ZNF718: variants seen among roughly 807,000 people sequenced by gnomAD.
The protein encoded by ZNF718 is zinc finger protein 718.
ZNF718 carries 3 observed loss-of-function variants against 2.6 expected under a neutral mutation model. The ratio of observed to expected loss-of-function variants is 1.16; its 90% CI spans 0.53 to 3.01. ZNF718 has a LOEUF of 3.01. Ranked by LOEUF, ZNF718 falls within the 30% of genes most tolerant of loss-of-function variation. ZNF718 has a pLI of 0.03. For missense variants in ZNF718, 468 were observed against 230.0 expected, an observed-to-expected ratio of 2.03 and a Z score of -6.69; for synonymous variants, 135 against 77.9, an observed-to-expected ratio of 1.73 and a Z score of -3.86.
At chr4:158,028 C>A (rs1341425063) in intron 3 of ZNF718, among the ~76,000 whole-genome samples, 2 of 152,168 alleles carry the variant, frequency 1.3e-5, no homozygotes, top group African/African-American at 4.8e-5. Flanking sequence ...GATACACACA[C>A]ACACATTAAT....
intron 3 of ZNF718, among the ~76,000 whole-genome samples, chr4:171,790 C>T (rs1206895094): frequency 6.6e-6 from 1 of 152,230 alleles, no homozygotes; most frequent in African/African-American, 2.4e-5. Flanking sequence ...CGTTGTGCTT[C>T]CCGGGTGAGG....
chr4:178,875 A>G (rs1717400632), intron 3 of ZNF718, among the ~76,000 whole-genome samples: 2 of 152,184 alleles, frequency 1.3e-5, no homozygotes, highest in African/African-American at 4.8e-5. Context: ...TTCCCTTGAT[A>G]TGCAGAAGGT....
At chr4:144,393 A>T (rs1301716014) in intron 3 of ZNF718, among the ~76,000 whole-genome samples, 1 of 152,218 alleles carries the variant, frequency 6.6e-6, no homozygotes, top group East Asian at 1.9e-4. Flanking sequence ...GATCAGTTTT[A>T]TGCCATTTTA....
At chr4:135,239 TAAA>T (rs1227093983) in intron 3 of ZNF718, among the ~76,000 whole-genome samples, 3 of 135,626 alleles carry the variant, frequency 2.2e-5, no homozygotes, top group East Asian at 2.2e-4. Context: ...ACTCTTGTCT[TAAA>T]AAAAAAAAAA....
At chr4:176,501 G>GCTGGT (rs1553819107) in intron 3 of ZNF718, among the ~76,000 whole-genome samples, 1 of 152,076 alleles carries the variant, frequency 6.6e-6, no homozygotes, top group Admixed American at 6.6e-5. Context: ...CCAGCATAAT[G>GCTGGT]CAACACATCC....
At chr4:170,850 CAA>C (rs1553817833) in intron 3 of ZNF718, among the ~76,000 whole-genome samples, 11 of 152,204 alleles carry the variant, frequency 7.2e-5, no homozygotes. Flanking sequence ...CTCAACTCAT[CAA>C]AGTCATTCTC....
At chr4:172,678 T>C (rs1328618142) in intron 3 of ZNF718, among the ~76,000 whole-genome samples, 1 of 152,176 alleles carries the variant, frequency 6.6e-6, no homozygotes, top group Admixed American at 6.5e-5. Context: ...AAATAAATGA[T>C]TAACAACCAT....
chr4:200,618 T>A lies in ZNF718; in HGVS notation c.227-463T>A, dbSNP rs76211678. ...TTTTTTTAGAGTCAGACTAGTACAA[T>A]ACCAGAAAAAATTACCAAACTCAGT... On this transcript the variant is annotated intron_variant and NMD_transcript_variant, in intron 3 of 4. Coordinates refer to the ZNF718 transcript ENST00000642529. Among the ~76,000 whole-genome samples, 112 of 152,252 alleles carry A rather than the reference T, an allele frequency of 7.4e-4. 1 individual carries two copies. In the East Asian group the frequency reaches 0.02, roughly 28 times the overall value.
Position 127,171 on chromosome 4 carries a change from T to C in ZNF718, c.3+2498T>C, listed in dbSNP as rs1357524091. Among the ~76,000 whole-genome samples the C allele has an allele frequency of 6.8e-5, 3 of 44,436 alleles. 1 individual carries two copies. The highest frequency in any genetic ancestry group is 2.2e-4 in the African/African-American group (3 of 13,658). The allele number at this position is 44,436 out of a possible 152,430, so 29.2% of individuals were successfully genotyped here. A position where few individuals can be genotyped will look rare whatever the true frequency, so the allele number is the denominator to read the frequency against. ...TTTTCCATGCACTGTTTAGAAGTAC[T>C]GGACGTTATATACAAAGTGCCCACC... On this transcript the variant is annotated intron_variant, in intron 1 of 3. Coordinates refer to ENST00000510175, the MANE Select transcript of ZNF718 (RefSeq NM_001039127.6).
chr4:159,653 A>G (rs192455246), intron 3 of ZNF718, among the ~76,000 whole-genome samples: 58 of 151,934 alleles, frequency 3.8e-4, no homozygotes, highest in African/African-American at 1.2e-3. Flanking sequence ...TGTTTTTTAT[A>G]TTTTTAATGT....
chr4:156,512 A>G (rs185512205), intron 3 of ZNF718, among the ~76,000 whole-genome samples: 2 of 152,286 alleles, frequency 1.3e-5, no homozygotes, highest in African/African-American at 4.8e-5. Context: ...CAGACTTTAC[A>G]ATCTTAAATA....
intron 1 of ZNF718, among the ~76,000 whole-genome samples, chr4:130,221 A>G (rs1348723980): frequency 1.9e-5 from 2 of 104,084 alleles, no homozygotes; most frequent in Non-Finnish European, 4.3e-5. Flanking sequence ...TTGCAATAAC[A>G]GGAGACTTGC....
At chr4:164,204 CA>C (rs1226295677), downstream of ZNF718, among the ~76,000 whole-genome samples, 7 of 151,966 alleles carry the variant, frequency 4.6e-5, no homozygotes, top group Non-Finnish European at 8.8e-5. Flanking sequence ...CAAACATGTA[CA>C]GACTTCTAGT....
intron 3 of ZNF718, among the ~76,000 whole-genome samples, chr4:193,501 G>A (rs1384161120): frequency 6.6e-6 from 1 of 152,116 alleles, no homozygotes; most frequent in Non-Finnish European, 1.5e-5. Context: ...CTTTTGCTAG[G>A]ATGTCTCTCC....
chr4:165,421 C>T (rs59160312), downstream of ZNF718, among the ~76,000 whole-genome samples: 1,937 of 152,252 alleles, frequency 0.013, 47 homozygotes, highest in African/African-American at 0.044. Context: ...GGTAAAGCAT[C>T]AATATGAGTG....
At chr4:187,188 G>GT (rs201356074) in intron 3 of ZNF718, among the ~76,000 whole-genome samples, 1,754 of 151,860 alleles carry the variant, frequency 0.012, 14 homozygotes, top group Non-Finnish European at 0.017. Flanking sequence ...TCCAGGCTTG[G>GT]TTTTTTTGTT....
At chr4:125,716 C>G (rs1422790984) in intron 1 of ZNF718, among the ~76,000 whole-genome samples, 1 of 152,242 alleles carries the variant, frequency 6.6e-6, no homozygotes, top group Non-Finnish European at 1.5e-5. Context: ...TAAGAAACAT[C>G]CCTTCCCCGC....
At chr4:125,243 T>A (rs186656352) in intron 1 of ZNF718, 1 of 153,152 alleles carries the variant, frequency 6.5e-6, no homozygotes, top group Non-Finnish European at 1.5e-5. Context: ...TGGTGTCTGT[T>A]CGCATCTTTT....
chr4:167,590 G>C (rs1717119161), downstream of ZNF718, among the ~76,000 whole-genome samples: 1 of 152,014 alleles, frequency 6.6e-6, no homozygotes, highest in African/African-American at 2.4e-5. Context: ...TGATTCCTAG[G>C]TATTTTATTC....
Sources: gnomAD v4.1 joint callset for allele counts (sites outside exome capture counted in the v4.1 genomes callset) on GRCh38, gnomAD v4.1.1 for gene constraint, MANE v1.5 for transcripts, NCBI Gene and HGNC (gene_info 2026-07-23, HGNC 2026-07-21) for gene names.